Variants in VPS54 observed in about 807,000 individuals in gnomAD.
The protein encoded by VPS54 is VPS54 subunit of GARP complex.
VPS54 carries 45 observed loss-of-function variants against 121.5 expected under a neutral mutation model. The ratio of observed to expected loss-of-function variants is 0.37; its 90% CI spans 0.29 to 0.47. The LOEUF (loss-of-function observed/expected upper bound fraction) is 0.47, where lower values mean the gene tolerates loss of function less well. Ranked by LOEUF, VPS54 falls within the 20% of genes least tolerant of loss-of-function variation. The pLI, the probability that VPS54 is intolerant of heterozygous loss-of-function variation, is 0.99. For synonymous variants in VPS54, 371 were observed against 385.8 expected (o/e 0.96, Z 0.45); for missense variants, 1,090 against 1,131.4 (o/e 0.96, Z 0.52).
At chr2:63,935,264 T>G (rs1184149682) in intron 11 of VPS54, among the ~76,000 whole-genome samples, 3 of 152,188 alleles carry the variant, frequency 2.0e-5, no homozygotes, top group Admixed American at 6.5e-5. Flanking sequence ...TTCCTGTTAT[T>G]TGGAACTGAA....
At chr2:63,895,421 T>C (rs972717236) in intron 22 of VPS54, among the ~76,000 whole-genome samples, 2 of 152,170 alleles carry the variant, frequency 1.3e-5, no homozygotes, top group Non-Finnish European at 2.9e-5. Context: ...GCCACTGCGC[T>C]CCAGCCTGTG....
intron 2 of VPS54, among the ~76,000 whole-genome samples, chr2:63,982,882 T>C (rs1452853311): frequency 6.6e-6 from 1 of 152,206 alleles, no homozygotes; most frequent in African/African-American, 2.4e-5. Context: ...GGAATGCATG[T>C]GTCAGGTATC....
intron 12 of VPS54, among the ~76,000 whole-genome samples, chr2:63,929,521 T>G (rs1484473637): frequency 1.3e-5 from 2 of 152,142 alleles, no homozygotes; most frequent in Admixed American, 1.3e-4. Context: ...AAGCAGTGTG[T>G]AGAGGGAAAT....
chr2:63,930,280 C>G (rs1236364699), intron 12 of VPS54, among the ~76,000 whole-genome samples: 1 of 152,128 alleles, frequency 6.6e-6, no homozygotes, highest in African/African-American at 2.4e-5. Context: ...TACCGGCAAA[C>G]CGAATCCAGC....
intron 1 of VPS54, among the ~76,000 whole-genome samples, chr2:64,001,417 C>T (rs990462864): frequency 1.3e-5 from 2 of 152,128 alleles, no homozygotes; most frequent in African/African-American, 4.8e-5. Flanking sequence ...TTTATTTTTC[C>T]ATCTGCTTTT....
chr2:64,009,061 G>C (rs1678305081), intron 1 of VPS54, among the ~76,000 whole-genome samples: 1 of 152,152 alleles, frequency 6.6e-6, no homozygotes, highest in South Asian at 2.1e-4. Context: ...CTGATTCTAA[G>C]TTTCATGCCT....
At chr2:63,901,936 A>C (rs2104406908) in intron 20 of VPS54, among the ~76,000 whole-genome samples, 1 of 152,138 alleles carries the variant, frequency 6.6e-6, no homozygotes, top group African/African-American at 2.4e-5. Context: ...AATTGCTTGA[A>C]CCCGGGAGGC....
chr2:63,907,533 A>T (rs1575890936), intron 20 of VPS54, among the ~76,000 whole-genome samples: 1 of 151,328 alleles, frequency 6.6e-6, no homozygotes, highest in African/African-American at 2.4e-5. Context: ...AAAAAAAAAA[A>T]AGAAAAGAAA....
rs1673201083 is a variant in VPS54 at position 63,912,644 on chromosome 2, A to C, written c.2440T>G (p.Leu814Val). ...TKNLALSSRC[L>V]QLIVHYIPVI... ...GGAATGTAGTGCACAATTAACTGCA[A>C]ACATCGTGAAGAAAGAGCTGAAGAT... The change falls in exon 19 of 23, where the codon TTG (leucine) becomes GTG (valine). Residue 814 changes from leucine (L) to valine (V), a missense_variant. Around this residue, in one of 2 missense-constraint regions of VPS54, gnomAD observed 289 missense variants for 374.4 expected, o/e 0.77. Transcript: ENST00000272322. The C allele has an allele frequency of 6.3e-7, 1 of 1,576,100 alleles. No homozygotes were observed. Among genetic ancestry groups the C allele is most frequent in the African/African-American group, 1.4e-5 (1 of 72,168 alleles).
Position 63,983,906 on chromosome 2 carries a change from G to A in VPS54, c.94C>T (p.Pro32Ser). Residue 32 changes from proline to serine, a missense_variant, in exon 2 of 23, where the codon CCT (proline) becomes TCT (serine). Pro to Ser is a moderately conservative substitution (Grantham distance 74, BLOSUM62 -1). Coordinates refer to ENST00000272322, the MANE Select transcript of VPS54 (RefSeq NM_016516.3). ...CACACATCTGGCAGTGATGGCACAG[G>A]TCGAATGTGTTTTGACGGATCTACC... ...IEVDPSKHIR[P>S]VPSLPDVCPK... is the part of the protein sequence containing the mutation. The A allele has an allele frequency of 6.2e-7, 1 of 1,613,492 alleles. No homozygotes were observed. Among genetic ancestry groups the A allele is most frequent in the Non-Finnish European group, 8.5e-7 (1 of 1,179,768 alleles).
intron 1 of VPS54, among the ~76,000 whole-genome samples, chr2:64,014,799 T>C (rs896589050): frequency 6.6e-6 from 1 of 152,176 alleles, no homozygotes; most frequent in Non-Finnish European, 1.5e-5. Context: ...ACCCCTATTT[T>C]ATAGATGAGA....
rs78797742 is a variant in VPS54 at position 64,010,622 on chromosome 2, G to A, written c.-21+8316C>T. Among the ~76,000 whole-genome samples, 90 of 152,232 alleles carry A rather than the reference G, an allele frequency of 5.9e-4. No homozygotes were observed. The East Asian group carries it at 0.016, about 28-fold the overall frequency. On this transcript the variant is annotated intron_variant, in intron 1 of 22. Coordinates refer to ENST00000272322, the MANE Select transcript of VPS54 (RefSeq NM_016516.3). Reference sequence around the variant, plus strand: ...ATGTAAAAGCCAATTTCTGGCAAATGTAAGTTTTTCATACTACCTATACAC... The same window carrying A: ...ATGTAAAAGCCAATTTCTGGCAAATATAAGTTTTTCATACTACCTATACAC...
intron 12 of VPS54, among the ~76,000 whole-genome samples, 164 bp downstream of exon 12, chr2:63,933,509 A>G (rs1210015170): frequency 2.6e-5 from 4 of 152,186 alleles, no homozygotes; most frequent in Admixed American, 6.5e-5. Context: ...TCACCTCCTT[A>G]CTTCTCATAC....
intron 5 of VPS54, 87 bp downstream of exon 5, chr2:63,968,870 A>C: frequency 1.6e-6 from 2 of 1,253,518 alleles, no homozygotes; most frequent in East Asian, 4.7e-5. Context: ...GGTCAAAAAA[A>C]AAAAAAAGCC....
At chr2:63,945,092 T>C (rs191777917) in intron 9 of VPS54, among the ~76,000 whole-genome samples, 162 of 152,302 alleles carry the variant, frequency 1.1e-3, no homozygotes, top group African/African-American at 3.7e-3. Flanking sequence ...TGCACACTTA[T>C]GTCCACTGTA....
chr2:63,912,318 A>T (rs1169497358), intron 20 of VPS54, 27 bp downstream of exon 20: 4 of 1,552,430 alleles, frequency 2.6e-6, no homozygotes, highest in Non-Finnish European at 3.5e-6. Context: ...CTTTGAACAA[A>T]GTCTAATAAT....
chr2:63,915,968 T>C (rs1032142048), intron 16 of VPS54, among the ~76,000 whole-genome samples: 7 of 152,164 alleles, frequency 4.6e-5, no homozygotes, highest in Non-Finnish European at 8.8e-5. Flanking sequence ...GTGCCATGAT[T>C]GAGGAACATA....
intron 12 of VPS54, among the ~76,000 whole-genome samples, chr2:63,931,798 C>G (rs1024179362): frequency 1.3e-5 from 2 of 152,138 alleles, no homozygotes; most frequent in African/African-American, 4.8e-5. Context: ...AGAACTTAAA[C>G]AAATTTACAA....
rs748691061 is a variant in VPS54, at chr2:64,017,018, G to A, written c.-21+1920C>T. On this transcript the variant is annotated intron_variant, in intron 1 of 22. Coordinates refer to ENST00000272322, the MANE Select transcript of VPS54 (RefSeq NM_016516.3). Reference sequence around the variant, plus strand: ...AGAGGAATTGTAATTAACTTTTGTTGATTAAAAAAAAAAAAAAAAAAAAAA... The same window carrying A: ...AGAGGAATTGTAATTAACTTTTGTTAATTAAAAAAAAAAAAAAAAAAAAAA... Among the ~76,000 whole-genome samples, 445 of 114,490 alleles carry A rather than the reference G, an allele frequency of 3.9e-3. 1 individual carries two copies. The highest frequency in any genetic ancestry group is 5.6e-3 in the Middle Eastern group (1 of 178). The allele number at this position is 114,490 out of a possible 152,430, so 75.1% of individuals were successfully genotyped here. A position where few individuals can be genotyped will look rare whatever the true frequency, so the allele number is the denominator to read the frequency against.
Sources: gnomAD v4.1 joint callset for allele counts (sites outside exome capture counted in the v4.1 genomes callset) on GRCh38, gnomAD v4.1.1 for gene constraint, gnomAD v4.1.1 regional missense constraint, MANE v1.5 for transcripts, NCBI Gene and HGNC (gene_info 2026-07-23, HGNC 2026-07-21) for gene names.